The following IL1RAPL1 variants were observed in gnomAD, a reference collection of about 807,000 sequenced individuals.
IL1RAPL1 encodes interleukin 1 receptor accessory protein like 1, also known as interleukin-1 receptor accessory protein-like 1.
A neutral mutation model predicts 48.4 loss-of-function variants in IL1RAPL1; 3 were observed. The observed-to-expected ratio is 0.06, with a 90% confidence interval of 0.03 to 0.16. The LOEUF (loss-of-function observed/expected upper bound fraction) is 0.16, where lower values mean the gene tolerates loss of function less well. Among genes scored for constraint, IL1RAPL1 ranks in the 10% least tolerant of loss-of-function variants. The probability of loss-of-function intolerance (pLI) is 1.00; values close to 1 mark genes in which losing one functional copy is unlikely to be tolerated. For synonymous variants in IL1RAPL1, 185 were observed against 187.7 expected (o/e 0.99, Z 0.12); for missense variants, 349 against 530.6 (o/e 0.66, Z 3.36).
At chrX:29,139,349 T>TAA (rs11453981) in intron 2 of IL1RAPL1, among the ~76,000 whole-genome samples, 10 of 105,433 alleles carry the variant, frequency 9.5e-5, no homozygotes, top group Admixed American at 2.1e-4. Flanking sequence ...TGGAAAAGGG[T>TAA]AAAAAAAAAA....
At chrX:29,936,878 T>A (rs1253990904) in intron 8 of IL1RAPL1, among the ~76,000 whole-genome samples, 7 of 111,680 alleles carry the variant, frequency 6.3e-5, no homozygotes, top group Non-Finnish European at 1.3e-4. Context: ...TAAGAAAAAA[T>A]TGTAGTCATT....
At chrX:29,387,313 T>C (rs1187096736) in intron 3 of IL1RAPL1, among the ~76,000 whole-genome samples, 1 of 112,471 alleles carries the variant, frequency 8.9e-6, no homozygotes, top group South Asian at 3.7e-4. Context: ...TAGTCTGTTA[T>C]GTTCTGTCTG....
At chrX:29,637,142 A>G (rs1434306782) in intron 5 of IL1RAPL1, among the ~76,000 whole-genome samples, 1 of 109,729 alleles carries the variant, frequency 9.1e-6, no homozygotes, top group African/African-American at 3.3e-5. Flanking sequence ...TAATAAGGAA[A>G]ACAGATGAAC....
intron 2 of IL1RAPL1, among the ~76,000 whole-genome samples, chrX:28,908,820 T>C (rs1410361971): frequency 8.9e-6 from 1 of 112,144 alleles, no homozygotes; most frequent in Non-Finnish European, 1.9e-5. Flanking sequence ...TGGATTTATC[T>C]ATTTTTCTTT....
At chrX:29,809,349 G>A (rs1354468480) in intron 6 of IL1RAPL1, among the ~76,000 whole-genome samples, 2 of 106,695 alleles carry the variant, frequency 1.9e-5, no homozygotes, top group African/African-American at 3.4e-5. Context: ...CTCATGATCC[G>A]CCCTCAGCCT....
At chrX:29,773,332 GTGCTGAACTTCCAT>G (rs1222626834) in intron 6 of IL1RAPL1, among the ~76,000 whole-genome samples, 1 of 111,763 alleles carries the variant, frequency 8.9e-6, no homozygotes, top group Non-Finnish European at 1.9e-5. Context: ...AGAACTGGCT[GTGCTGAACTTCCAT>G]TGCTACTCTG....
At chrX:29,768,140 G>A (rs1179241404) in intron 6 of IL1RAPL1, among the ~76,000 whole-genome samples, 3 of 111,580 alleles carry the variant, frequency 2.7e-5, no homozygotes, top group African/African-American at 6.5e-5. Flanking sequence ...ATATTGACAA[G>A]TTTTGTGATA....
chrX:28,796,380 C>T (rs1936611113), intron 2 of IL1RAPL1, among the ~76,000 whole-genome samples: 1 of 111,832 alleles, frequency 8.9e-6, no homozygotes, highest in Non-Finnish European at 1.9e-5. Context: ...TCATTTGAGA[C>T]AAGTCAAGTC....
intron 5 of IL1RAPL1, among the ~76,000 whole-genome samples, chrX:29,617,587 G>T (rs5971610): frequency 0.47 from 51,357 of 110,269 alleles, 9,443 homozygotes; most frequent in African/African-American, 0.68. Context: ...GCCCTGTATT[G>T]AAAAGCCGGC....
chrX:29,684,956 C>G (rs1416824140), intron 6 of IL1RAPL1, among the ~76,000 whole-genome samples: 1 of 112,314 alleles, frequency 8.9e-6, no homozygotes, highest in Non-Finnish European at 1.9e-5. Context: ...CAAAGTTGGA[C>G]TTCGTTAATT....
At chrX:28,830,115 C>G (rs1442593673) in intron 2 of IL1RAPL1, among the ~76,000 whole-genome samples, 1 of 111,545 alleles carries the variant, frequency 9.0e-6, no homozygotes, top group Non-Finnish European at 1.9e-5. Flanking sequence ...TGAATTGTCT[C>G]TGTCTGGTTT....
At chrX:29,136,737 T>A (rs1007781089) in intron 2 of IL1RAPL1, among the ~76,000 whole-genome samples, 1 of 112,008 alleles carries the variant, frequency 8.9e-6, no homozygotes, top group Admixed American at 9.5e-5. Context: ...AGTAACAACC[T>A]TATGAATTTG....
intron 5 of IL1RAPL1, among the ~76,000 whole-genome samples, chrX:29,453,159 C>G (rs1934699723): frequency 9.1e-6 from 1 of 109,364 alleles, no homozygotes; most frequent in Admixed American, 9.9e-5. Context: ...CTCCTGACCT[C>G]AAGTGATCCG....
chrX:28,702,465 A>G (rs1005187141), intron 1 of IL1RAPL1, among the ~76,000 whole-genome samples: 3 of 112,015 alleles, frequency 2.7e-5, no homozygotes, highest in Non-Finnish European at 5.6e-5. Context: ...CAACTTTAAG[A>G]ATACTTTCAA....
At chrX:29,622,547 G>T (rs1924493774) in intron 5 of IL1RAPL1, among the ~76,000 whole-genome samples, 1 of 111,718 alleles carries the variant, frequency 9.0e-6, no homozygotes, top group Non-Finnish European at 1.9e-5. Context: ...ATGCATAACT[G>T]CAGGGACCTC....
chrX:28,878,819 A>G (rs1272524611), intron 2 of IL1RAPL1, among the ~76,000 whole-genome samples: 1 of 111,673 alleles, frequency 9.0e-6, no homozygotes, highest in East Asian at 2.8e-4. Context: ...AATAATAGGT[A>G]TCATTTAGTG....
intron 5 of IL1RAPL1, among the ~76,000 whole-genome samples, chrX:29,417,320 CA>C (rs757324805): frequency 1.8e-5 from 2 of 111,737 alleles, no homozygotes; most frequent in Non-Finnish European, 3.8e-5. Flanking sequence ...ATAACTTTTG[CA>C]TCATAAGAGA....
intron 2 of IL1RAPL1, among the ~76,000 whole-genome samples, chrX:29,064,233 T>C (rs1927401588): frequency 8.9e-6 from 1 of 112,179 alleles, no homozygotes; most frequent in African/African-American, 3.2e-5. Context: ...CTAGACATAT[T>C]TTTCTAGTAT....
intron 5 of IL1RAPL1, among the ~76,000 whole-genome samples, chrX:29,655,193 T>C (rs1020075509): frequency 5.4e-5 from 6 of 112,061 alleles, no homozygotes; most frequent in African/African-American, 1.6e-4. Flanking sequence ...AAAGTTTCAC[T>C]ATTGTCAAAT....
Sources: allele counts gnomAD v4.1 joint callset (sites outside exome capture counted in the v4.1 genomes callset), GRCh38; gene constraint gnomAD v4.1.1; transcripts MANE v1.5; gene names NCBI Gene and HGNC (gene_info 2026-07-23, HGNC 2026-07-21).